Variants in ABLIM1 observed in about 807,000 individuals in gnomAD.
ABLIM1 encodes actin-binding LIM protein 1.
In ABLIM1, 40 loss-of-function variants were observed where a neutral mutation model predicts 107.0. The ratio of observed to expected loss-of-function variants is 0.37; its 90% CI spans 0.29 to 0.49. The LOEUF is 0.49. ABLIM1 is among the 20% of genes least tolerant of loss of function. The pLI is 0.97. For missense variants in ABLIM1, 857 were observed against 1,008.5 expected, an observed-to-expected ratio of 0.85 and a Z score of 2.04; for synonymous variants, 357 against 357.3, an observed-to-expected ratio of 1.00 and a Z score of 0.01.
At chr10:114,722,621 G>T (rs967065233) in intron 1 of ABLIM1, among the ~76,000 whole-genome samples, 4 of 152,220 alleles carry the variant, frequency 2.6e-5, no homozygotes, top group Non-Finnish European at 4.4e-5. Flanking sequence ...TGAACACATT[G>T]TAAGGGACAA....
intron 4 of ABLIM1, among the ~76,000 whole-genome samples, chr10:114,558,913 CTG>C (rs377741805): frequency 2.8e-4 from 42 of 148,734 alleles, no homozygotes; most frequent in South Asian, 4.2e-4. Flanking sequence ...GTGTGTGTGT[CTG>C]TGTGTGTGTG....
At chr10:114,447,742 T>C (rs2061236604) in intron 15 of ABLIM1, 138 bp downstream of exon 15, 2 of 1,242,040 alleles carry the variant, frequency 1.6e-6, no homozygotes, top group South Asian at 3.1e-5. Context: ...CGTTAGTTCT[T>C]TTCACTATGC....
At chr10:114,665,717 G>A (rs940040405) in intron 1 of ABLIM1, among the ~76,000 whole-genome samples, 10 of 152,134 alleles carry the variant, frequency 6.6e-5, no homozygotes, top group Non-Finnish European at 1.5e-4. Context: ...CTCTCTCAGC[G>A]CTTGTTTTTT....
At chr10:114,607,057 G>C (rs764317330) in intron 1 of ABLIM1, among the ~76,000 whole-genome samples, 12 of 151,782 alleles carry the variant, frequency 7.9e-5, no homozygotes, top group Non-Finnish European at 1.6e-4. Context: ...AATTCCCTAC[G>C]CCCTTGCACC....
chr10:114,506,214 A>G (rs1319700459), intron 6 of ABLIM1, among the ~76,000 whole-genome samples: 1 of 152,228 alleles, frequency 6.6e-6, no homozygotes, highest in African/African-American at 2.4e-5. Context: ...TTGGCTGTGT[A>G]GTATTCCATG....
chr10:114,574,736 C>T (rs1343569818), intron 3 of ABLIM1, among the ~76,000 whole-genome samples: 1 of 152,184 alleles, frequency 6.6e-6, no homozygotes, highest in Non-Finnish European at 1.5e-5. Flanking sequence ...GCCACCACGC[C>T]CAGCCTGACT....
At chr10:114,769,063 G>T (rs1453260858), upstream of ABLIM1, among the ~76,000 whole-genome samples, 20 of 151,040 alleles carry the variant, frequency 1.3e-4, 1 homozygote, top group Non-Finnish European at 1.5e-5. Context: ...GCCGGGTGTG[G>T]TGGCTCACTC....
At chr10:114,772,614 C>G (rs142024562), upstream of ABLIM1, among the ~76,000 whole-genome samples, 830 of 152,000 alleles carry the variant, frequency 5.5e-3, 9 homozygotes, top group African/African-American at 0.019. Context: ...CTCAAAAAAA[C>G]ACAAAAACCT....
intron 1 of ABLIM1, among the ~76,000 whole-genome samples, chr10:114,603,780 C>G (rs1399294518): frequency 6.6e-6 from 1 of 151,736 alleles, no homozygotes. Context: ...ACGGTGAAAC[C>G]CCGTCTCTAC....
chr10:114,547,356 A>T (rs1565897274), intron 5 of ABLIM1: 2 of 315,950 alleles, frequency 6.3e-6, no homozygotes, highest in Non-Finnish European at 1.2e-5. Context: ...TAGGAGAATG[A>T]ACAGCAACAG....
chr10:114,474,670 G>A (rs865892744), intron 8 of ABLIM1, among the ~76,000 whole-genome samples: 4 of 152,138 alleles, frequency 2.6e-5, no homozygotes, highest in African/African-American at 7.2e-5. Context: ...GTGAGCCACC[G>A]CACTCAGCCG....
At chr10:114,662,590 G>A (rs761743638), upstream of ABLIM1, among the ~76,000 whole-genome samples, 9 of 152,100 alleles carry the variant, frequency 5.9e-5, no homozygotes, top group South Asian at 2.1e-4. Context: ...CATATGCTCC[G>A]GTCTGGGCAG....
At chr10:114,541,955 C>G (rs1427078045) in intron 6 of ABLIM1, among the ~76,000 whole-genome samples, 1 of 152,072 alleles carries the variant, frequency 6.6e-6, no homozygotes, top group Non-Finnish European at 1.5e-5. Context: ...CACACAGAGC[C>G]CTTTTCCCTC....
chr10:114,517,751 T>C (rs917038316), intron 6 of ABLIM1, among the ~76,000 whole-genome samples: 2 of 152,170 alleles, frequency 1.3e-5, no homozygotes, highest in East Asian at 1.9e-4. Context: ...CTAAAGTTTG[T>C]CTGAAACCTT....
At chr10:114,491,006 G>GTATATATATATATATATA (rs759409911) in intron 7 of ABLIM1, among the ~76,000 whole-genome samples, 2 of 59,248 alleles carry the variant, frequency 3.4e-5, no homozygotes, top group Non-Finnish European at 6.1e-5. Context: ...GTGTGTGTGT[G>GTATATATATATATATATA]TGTGTGTATA....
chr10:114,685,900 T>G (rs1176147342), upstream of ABLIM1, among the ~76,000 whole-genome samples: 2 of 152,218 alleles, frequency 1.3e-5, no homozygotes, highest in African/African-American at 2.4e-5. Flanking sequence ...TAAAATGTAA[T>G]GGAGGCTAGT....
At chr10:114,539,007 AC>A in intron 6 of ABLIM1, among the ~76,000 whole-genome samples, 1 of 152,324 alleles carries the variant, frequency 6.6e-6, no homozygotes, top group Non-Finnish European at 1.5e-5. Flanking sequence ...TTTCAGTTTG[AC>A]TTTTGCTTTT....
At chr10:114,531,043 A>C (rs2065397349) in intron 6 of ABLIM1, among the ~76,000 whole-genome samples, 1 of 152,234 alleles carries the variant, frequency 6.6e-6, no homozygotes, top group Admixed American at 6.5e-5. Context: ...TTATGGGCAT[A>C]AATGTGTGTG....
intron 1 of ABLIM1, among the ~76,000 whole-genome samples, chr10:114,613,966 T>C (rs1289270050): frequency 6.6e-6 from 1 of 152,142 alleles, no homozygotes; most frequent in East Asian, 1.9e-4. Context: ...ATTCTCTTAT[T>C]TACCTTCAGA....
Sources: allele counts gnomAD v4.1 joint callset (sites outside exome capture counted in the v4.1 genomes callset), GRCh38; gene constraint gnomAD v4.1.1; transcripts MANE v1.5; gene names NCBI Gene and HGNC (gene_info 2026-07-23, HGNC 2026-07-21).